DIP2C: variants seen among roughly 807,000 people sequenced by gnomAD.
DIP2C encodes DIP2 acetate--CoA ligase C (putative).
DIP2C carries 33 observed loss-of-function variants against 192.4 expected under a neutral mutation model. The observed-to-expected ratio is 0.17, with a 90% confidence interval of 0.13 to 0.23. DIP2C has a LOEUF of 0.23. Ranked by LOEUF, DIP2C falls within the 10% of genes least tolerant of loss-of-function variation. The probability of loss-of-function intolerance (pLI) is 1.00; values close to 1 mark genes in which losing one functional copy is unlikely to be tolerated. For synonymous variants in DIP2C, 979 were observed against 864.1 expected, an observed-to-expected ratio of 1.13 and a Z score of -2.33; for missense variants, 1,537 against 2,110.1, an observed-to-expected ratio of 0.73 and a Z score of 5.32.
intron 1 of DIP2C, among the ~76,000 whole-genome samples, chr10:589,427 G>A (rs180970220): frequency 2.1e-3 from 316 of 152,240 alleles, no homozygotes; most frequent in Non-Finnish European, 2.6e-3. Flanking sequence ...AGGTCTCGAC[G>A]ATTTCCATTT....
intron 9 of DIP2C, among the ~76,000 whole-genome samples, chr10:400,328 ATGTTTTC>A: frequency 1.3e-5 from 2 of 152,326 alleles, no homozygotes; most frequent in Non-Finnish European, 2.9e-5. Context: ...CCTGGCCAGT[ATGTTTTC>A]TGATGGTCCT....
chr10:393,915 C>T (rs1963723477), intron 10 of DIP2C, among the ~76,000 whole-genome samples: 1 of 151,266 alleles, frequency 6.6e-6, no homozygotes, highest in Non-Finnish European at 1.5e-5. Context: ...GAAAAATACC[C>T]GTTGATGAGG....
chr10:463,188 T>C (rs1449752445), intron 3 of DIP2C, among the ~76,000 whole-genome samples: 1 of 152,140 alleles, frequency 6.6e-6, no homozygotes, highest in Non-Finnish European at 1.5e-5. Context: ...GGTATTCAAA[T>C]AGGAAGAGAG....
At chr10:587,743 C>G (rs1282870102) in intron 1 of DIP2C, among the ~76,000 whole-genome samples, 12 of 109,696 alleles carry the variant, frequency 1.1e-4, no homozygotes, top group Non-Finnish European at 1.6e-4. Flanking sequence ...TCCACACCAG[C>G]CACTGCCTCA....
chr10:277,523 C>A lies in DIP2C; in HGVS notation c.4473G>T (p.Ser1491=). 6.2e-7 allele frequency: 1 copy of A among 1,614,120 alleles called. No individual in the cohort carries two copies. The highest frequency in any genetic ancestry group is 8.5e-7 in the Non-Finnish European group (1 of 1,180,042). The change falls in exon 37 of 37, where the codon TCG becomes TCT. Residue 1491 remains serine (S), a synonymous_variant. Coordinates refer to ENST00000280886, the MANE Select transcript of DIP2C (RefSeq NM_014974.3). The part of the protein sequence containing the change: ...LLVVVVELDG[S]EQEALDLVPL... ...GAACCAGGTCCAAGGCTTCTTGTTC[C>A]GACCCATCCAGCTCAACCACAACCA...
intron 32 of DIP2C, among the ~76,000 whole-genome samples, chr10:301,067 C>T (rs2132264667): frequency 6.6e-6 from 1 of 152,312 alleles, no homozygotes; most frequent in South Asian, 2.1e-4. Flanking sequence ...GGCTCAGCAG[C>T]ATCCACTGGC....
At chr10:338,215 A>G (rs1433780607) in intron 29 of DIP2C, among the ~76,000 whole-genome samples, 1 of 152,246 alleles carries the variant, frequency 6.6e-6, no homozygotes, top group African/African-American at 2.4e-5. Flanking sequence ...TTAAAAAGTT[A>G]CAGTAAGCGA....
chr10:358,314 T>TC (rs1254216622), intron 22 of DIP2C, among the ~76,000 whole-genome samples: 1 of 151,122 alleles, frequency 6.6e-6, no homozygotes, highest in Non-Finnish European at 1.5e-5. Context: ...GACCTGTGGC[T>TC]CCCGTCTGTT....
intron 14 of DIP2C, among the ~76,000 whole-genome samples, chr10:387,240 C>A (rs1424613821): frequency 6.6e-6 from 1 of 152,216 alleles, no homozygotes; most frequent in Non-Finnish European, 1.5e-5. Context: ...CAGCTGTAAC[C>A]TCAATCCACG....
At chr10:506,029 C>G (rs553828224) in intron 1 of DIP2C, among the ~76,000 whole-genome samples, 1 of 152,334 alleles carries the variant, frequency 6.6e-6, no homozygotes, top group East Asian at 1.9e-4. Context: ...GTTGTGACAT[C>G]TACACGATGT....
chr10:346,230 A>C (rs80103668), intron 26 of DIP2C, among the ~76,000 whole-genome samples: 2,488 of 3,982 alleles, frequency 0.62, 1,117 homozygotes, highest in Middle Eastern at 1. Context: ...CAACCCAGAC[A>C]TATCGCGTAT....
chr10:283,130 G>A lies in DIP2C; in HGVS notation c.4294+142C>T, dbSNP rs144531584. On this transcript the variant is annotated intron_variant, in intron 35 of 36. Transcript: ENST00000280886. Reference sequence around the variant, plus strand: ...TGCTTTCCTCTTGCTCTTAAACTCGGTTCTTTTCACACTGGGTTGTAGCTA... The same window carrying A: ...TGCTTTCCTCTTGCTCTTAAACTCGATTCTTTTCACACTGGGTTGTAGCTA... 5 of 1,187,342 alleles carry A rather than the reference G, an allele frequency of 4.2e-6. No homozygotes were observed. The African/African-American group carries it at 7.4e-5, about 18-fold the overall frequency. 73.6% of individuals were successfully genotyped at this position (1,187,342 alleles called of 1,614,324 possible).
chr10:638,179 C>T (rs1206928705), intron 1 of DIP2C, among the ~76,000 whole-genome samples: 2 of 152,188 alleles, frequency 1.3e-5, no homozygotes. Flanking sequence ...AAAGCTCATG[C>T]TTAATCACCT....
intron 24 of DIP2C, among the ~76,000 whole-genome samples, chr10:351,281 G>A: frequency 6.6e-6 from 1 of 152,180 alleles, no homozygotes; most frequent in Non-Finnish European, 1.5e-5. Context: ...AACACATGGC[G>A]GGGCACGGTG....
At chr10:288,453 G>T in intron 32 of DIP2C, 32 bp from the exon 33 acceptor site, 2 of 1,610,386 alleles carry the variant, frequency 1.2e-6, no homozygotes, top group Non-Finnish European at 1.7e-6. Context: ...ATTCCTAGAT[G>T]TGTTTGCTGT....
At chr10:611,968 GCTTT>G (rs1853126032) in intron 1 of DIP2C, among the ~76,000 whole-genome samples, 1 of 94,732 alleles carries the variant, frequency 1.1e-5, no homozygotes, top group African/African-American at 2.6e-5. Context: ...TTTTCAGACA[GCTTT>G]TTTTTAAGGG....
chr10:431,817 C>T (rs1966858776), intron 4 of DIP2C, among the ~76,000 whole-genome samples: 1 of 152,222 alleles, frequency 6.6e-6, no homozygotes, highest in South Asian at 2.1e-4. Flanking sequence ...TTTCCTGATC[C>T]CCTTTCCGGA....
At chr10:339,545 A>C (rs748465752) in intron 29 of DIP2C, among the ~76,000 whole-genome samples, 79 of 152,294 alleles carry the variant, frequency 5.2e-4, no homozygotes, top group Non-Finnish European at 7.9e-4. Flanking sequence ...TGCAGGCAGG[A>C]GGCTTCCATC....
chr10:579,304 C>T (rs1324644094), intron 1 of DIP2C, among the ~76,000 whole-genome samples: 1 of 151,878 alleles, frequency 6.6e-6, no homozygotes, highest in African/African-American at 2.4e-5. Context: ...AGTGTACACA[C>T]ATAGGTACAC....
Sources: gnomAD v4.1 joint callset for allele counts (sites outside exome capture counted in the v4.1 genomes callset) on GRCh38, gnomAD v4.1.1 for gene constraint, MANE v1.5 for transcripts, NCBI Gene and HGNC (gene_info 2026-07-23, HGNC 2026-07-21) for gene names.